Variants in ERCC6L2 observed in about 807,000 individuals in gnomAD.
ERCC6L2 encodes ERCC excision repair 6 like 2.
A neutral mutation model predicts 132.0 loss-of-function variants in ERCC6L2; 77 were observed. The ratio of observed to expected loss-of-function variants is 0.58; its 90% CI spans 0.49 to 0.71. The LOEUF is 0.71. ERCC6L2 is among the 30% of genes least tolerant of loss of function. ERCC6L2 has a pLI of 0.00. For missense variants in ERCC6L2, 1,542 were observed against 1,837.6 expected (o/e 0.84, Z 2.94); for synonymous variants, 583 against 632.4 (o/e 0.92, Z 1.17).
intron 2 of ERCC6L2, among the ~76,000 whole-genome samples, chr9:95,886,036 A>T (rs1042253299): frequency 6.6e-6 from 1 of 151,810 alleles, no homozygotes; most frequent in African/African-American, 2.4e-5. Context: ...TTTTTTTGAG[A>T]TGGGGGTCTC....
At chr9:95,963,938 G>A (rs954671863) in intron 13 of ERCC6L2, among the ~76,000 whole-genome samples, 2 of 152,070 alleles carry the variant, frequency 1.3e-5, no homozygotes, top group Non-Finnish European at 2.9e-5. Context: ...AACCTTGATC[G>A]CAGGTCAAGT....
rs1834113190 is a variant in ERCC6L2, at chr9:96,013,749, A to C, written c.*546A>C. ...ATTATTATTTTAGAAAAAAGTCATAATTGGTACTGAATATATGGTATATAT... is the reference window on the plus strand; with the variant it reads ...ATTATTATTTTAGAAAAAAGTCATACTTGGTACTGAATATATGGTATATAT... On this transcript the variant is annotated 3_prime_UTR_variant, in exon 19 of 19. Coordinates refer to ENST00000653738, the MANE Select transcript of ERCC6L2 (RefSeq NM_020207.7). 6.6e-6 allele frequency: 1 copy of C among 152,492 alleles called. No homozygotes were observed. The highest frequency in any genetic ancestry group is 1.5e-5 in the Non-Finnish European group (1 of 68,284). The allele number at this position is 152,492 out of a possible 1,614,324, so 9.4% of individuals were successfully genotyped here.
At chr9:95,959,691 AC>A (rs1262641728) in intron 13 of ERCC6L2, among the ~76,000 whole-genome samples, 5 of 152,098 alleles carry the variant, frequency 3.3e-5, no homozygotes, top group Admixed American at 1.3e-4. Context: ...CAAGAAAAAA[AC>A]AACCCCATCA....
intron 12 of ERCC6L2, among the ~76,000 whole-genome samples, chr9:95,954,104 G>A (rs1413557452): frequency 6.6e-6 from 1 of 152,148 alleles, no homozygotes; most frequent in Non-Finnish European, 1.5e-5. Flanking sequence ...AGAAAGCTGA[G>A]GCACAGTGCA....
chr9:95,899,590 T>TTATATATATATATATA lies in ERCC6L2; in HGVS notation c.594+1630_594+1631insATATATATATATATAT, dbSNP rs150595611. Among the ~76,000 whole-genome samples, 173 of 138,398 alleles carry TTATATATATATATATA rather than the reference T, an allele frequency of 1.3e-3. 4 individuals carry two copies. The highest frequency in any genetic ancestry group is 4.7e-3 in the African/African-American group (166 of 35,600). The allele number at this position is 138,398 out of a possible 152,430, so 90.8% of individuals were successfully genotyped here. ...CTTTCCTTTCTTTCTTTTTTTCTCT[T>TTATATATATATATATA]TATATATATATGTGTGTGTGTGTGT... On this transcript the variant is annotated intron_variant, in intron 3 of 18. Transcript: ENST00000653738.
At chr9:95,946,527 C>CA (rs981211616) in intron 12 of ERCC6L2, among the ~76,000 whole-genome samples, 1 of 151,182 alleles carries the variant, frequency 6.6e-6, no homozygotes, top group Non-Finnish European at 1.5e-5. Context: ...GACTCCATCT[C>CA]AAAAAAATAA....
At chr9:96,032,401 G>A (rs1834471814) in intron 19 of ERCC6L2, among the ~76,000 whole-genome samples, 1 of 152,242 alleles carries the variant, frequency 6.6e-6, no homozygotes, top group South Asian at 2.1e-4. Context: ...CTCACCGTCT[G>A]TGTCAGTGAC....
At chr9:95,977,970 CTT>C in intron 16 of ERCC6L2, 89 bp from the exon 17 acceptor site, 1 of 817,106 alleles carries the variant, frequency 1.2e-6, no homozygotes, top group Non-Finnish European at 1.6e-6. Flanking sequence ...TGATGTTTCT[CTT>C]GAGTATTAAA....
rs1263795508 is a variant in ERCC6L2 at position 95,972,077 on chromosome 9, C to T, written c.2326C>T (p.Pro776Ser). Residue 776 changes from proline to serine, a missense_variant, in exon 16 of 19, where the codon CCC becomes TCC. Pro to Ser is a moderately conservative substitution (Grantham distance 74). This residue lies in a region of ERCC6L2 where 945 missense variants were observed against 1,105.2 expected (regional missense o/e 0.86). Transcript: ENST00000653738. ...AATAAAGACTGCCAAAAACAAAGCA[C>T]CCGATTCAAGTAAAGCTTCCAGCTC... ...TGIKTAKNKA[P>S]DSSKASSSPG... 7.7e-7 allele frequency: 1 copy of T among 1,304,238 alleles called. No individual in the cohort carries two copies. Among genetic ancestry groups the T allele is most frequent in the East Asian group, 5.5e-5 (1 of 18,032 alleles). The allele number at this position is 1,304,238 out of a possible 1,614,324, so 80.8% of individuals were successfully genotyped here.
At chr9:95,878,657 TC>T (rs1587829973) in intron 1 of ERCC6L2, among the ~76,000 whole-genome samples, 1 of 143,224 alleles carries the variant, frequency 7.0e-6, no homozygotes, top group Non-Finnish European at 1.5e-5. Context: ...CCTCCCCCCT[TC>T]CCCCCACCCC....
intron 1 of ERCC6L2, 176 bp downstream of exon 1, chr9:95,876,260 C>A: frequency 1.8e-6 from 1 of 565,896 alleles, no homozygotes; most frequent in Non-Finnish European, 3.0e-6. Flanking sequence ...TGTTGAGAAC[C>A]TGGACTCGGG....
At chr9:96,018,624 C>T (rs1834232163), downstream of ERCC6L2, among the ~76,000 whole-genome samples, 9 of 130,274 alleles carry the variant, frequency 6.9e-5, no homozygotes, top group South Asian at 2.4e-3. Flanking sequence ...CCCTGCCCGG[C>T]TAATTTTTGC....
intron 2 of ERCC6L2, among the ~76,000 whole-genome samples, chr9:95,894,842 C>T (rs1270628075): frequency 4.6e-5 from 7 of 151,982 alleles, no homozygotes; most frequent in African/African-American, 7.2e-5. Flanking sequence ...GTGATCCGCC[C>T]GCCTCGGCCT....
intron 1 of ERCC6L2, among the ~76,000 whole-genome samples, chr9:95,879,280 T>G (rs961867039): frequency 1.3e-5 from 2 of 152,274 alleles, no homozygotes; most frequent in African/African-American, 4.8e-5. Context: ...GCAGGAAGAC[T>G]ATTAGTCACC....
At chr9:95,986,748 T>G (rs1833112075) in intron 17 of ERCC6L2, among the ~76,000 whole-genome samples, 1 of 152,128 alleles carries the variant, frequency 6.6e-6, no homozygotes, top group South Asian at 2.1e-4. Flanking sequence ...CCACCCACAC[T>G]GGCCTCCCAA....
rs564538882 is a variant in ERCC6L2 at position 95,929,823 on chromosome 9, T to C, written c.1751+959T>C. ...ATAAAACATATAAGCATTCTAACTT[T>C]AAAGTGTTTCCAGTTGATAGATGCA... On this transcript the variant is annotated intron_variant, in intron 11 of 18. Transcript: ENST00000653738. Among the ~76,000 whole-genome samples, 7 of 152,272 alleles carry C rather than the reference T, an allele frequency of 4.6e-5. No individual in the cohort carries two copies. The South Asian group carries it at 1.0e-3, about 23-fold the overall frequency.
At chr9:95,974,776 T>C (rs1160639513) in intron 16 of ERCC6L2, among the ~76,000 whole-genome samples, 2 of 152,060 alleles carry the variant, frequency 1.3e-5, no homozygotes, top group South Asian at 2.1e-4. Context: ...TATATGTGTA[T>C]GTATACGTAT....
chr9:95,947,633 G>C (rs1032268846), intron 12 of ERCC6L2, among the ~76,000 whole-genome samples: 32 of 152,196 alleles, frequency 2.1e-4, no homozygotes, highest in Admixed American at 6.5e-5. Context: ...AGTCAATAAA[G>C]AGGAGAGTTA....
In ERCC6L2 at chr9:96,017,938, A is replaced by T. The variant is rs2133242166; in HGVS notation, c.*4735A>T. Among the ~76,000 whole-genome samples the T allele has an allele frequency of 6.6e-6, 1 of 152,380 alleles. No homozygotes were observed. Among genetic ancestry groups the T allele is most frequent in the South Asian group, 2.1e-4 (1 of 4,828 alleles). On this transcript the variant is annotated 3_prime_UTR_variant, in exon 19 of 19. Coordinates refer to ENST00000653738, the MANE Select transcript of ERCC6L2 (RefSeq NM_020207.7). ...GAAAGGAAATTCGGACACGTGCTAC[A>T]ACATAGATGAATCTTGAGGACGGTA... is the stretch of plus-strand genomic sequence containing the variant.
Sources: gnomAD v4.1 joint callset for allele counts (sites outside exome capture counted in the v4.1 genomes callset) on GRCh38, gnomAD v4.1.1 for gene constraint, gnomAD v4.1.1 regional missense constraint, MANE v1.5 for transcripts, NCBI Gene and HGNC (gene_info 2026-07-23, HGNC 2026-07-21) for gene names.